Variants in ZFHX4 observed in about 807,000 individuals in gnomAD.
ZFHX4 encodes zinc finger homeobox protein 4.
ZFHX4 carries 56 observed loss-of-function variants against 267.6 expected under a neutral mutation model. The observed-to-expected ratio is 0.21, with a 90% confidence interval of 0.17 to 0.26. ZFHX4 has a LOEUF of 0.26. Ranked by LOEUF, ZFHX4 falls within the 10% of genes least tolerant of loss-of-function variation. The pLI is 1.00. For synonymous variants in ZFHX4, 1,778 were observed against 1,665.6 expected, an observed-to-expected ratio of 1.07 and a Z score of -1.64; for missense variants, 4,332 against 4,420.0, an observed-to-expected ratio of 0.98 and a Z score of 0.56.
intron 1 of ZFHX4, among the ~76,000 whole-genome samples, chr8:76,690,977 A>T (rs1807809879): frequency 6.6e-6 from 1 of 152,098 alleles, no homozygotes; most frequent in Non-Finnish European, 1.5e-5. Context: ...AACTCATTTT[A>T]AAATATGGGC....
chr8:76,808,894 C>T (rs906115845), intron 4 of ZFHX4, among the ~76,000 whole-genome samples: 1 of 151,460 alleles, frequency 6.6e-6, no homozygotes, highest in Non-Finnish European at 1.5e-5. Flanking sequence ...CTGTCTCTGT[C>T]TCTCTCTATC....
chr8:76,799,743 T>G (rs1327603910), intron 4 of ZFHX4, among the ~76,000 whole-genome samples: 2 of 152,148 alleles, frequency 1.3e-5, no homozygotes, highest in African/African-American at 4.8e-5. Context: ...TAATGAAGCA[T>G]TGATTATTTG....
chr8:76,813,516 C>A (rs1476057744), intron 4 of ZFHX4, among the ~76,000 whole-genome samples: 2 of 152,088 alleles, frequency 1.3e-5, no homozygotes, highest in Non-Finnish European at 2.9e-5. Context: ...AGATTAAAAT[C>A]TCTTCTTCCT....
rs1415091682 is a variant in ZFHX4, at chr8:76,863,340, C to G, written c.9626C>G (p.Ala3209Gly). Reference protein sequence around the residue: ...VKKIKEEELEATKPEKHPKKE... With the variant: ...VKKIKEEELEGTKPEKHPKKE... ...AAAATCAAAGAGGAGGAATTAGAGG[C>G]CACCAAACCCGAAAAACACCCCAAA... is the stretch of plus-strand genomic sequence containing the variant. Residue 3209 changes from alanine to glycine, a missense_variant, in exon 11 of 11, where the codon GCC (alanine) becomes GGC (glycine). Ala to Gly is a moderately conservative substitution (Grantham distance 60, BLOSUM62 0). Around this residue, in one of 7 missense-constraint regions of ZFHX4, gnomAD observed 1,648 missense variants for 1,625.0 expected, o/e 1.01. Coordinates refer to ENST00000651372, the MANE Select transcript of ZFHX4 (RefSeq NM_024721.5). 6.2e-7 allele frequency: 1 copy of G among 1,613,700 alleles called. No individual in the cohort carries two copies. Among genetic ancestry groups the G allele is most frequent in the African/African-American group, 1.3e-5 (1 of 74,980 alleles).
intron 3 of ZFHX4, among the ~76,000 whole-genome samples, chr8:76,772,721 C>T (rs1472949161): frequency 3.3e-5 from 5 of 152,110 alleles, no homozygotes; most frequent in South Asian, 2.1e-4. Flanking sequence ...CATTCTGTTT[C>T]GAGTTCAATA....
At position 76,853,973 on chromosome 8, in the gene ZFHX4, A is replaced by T; in HGVS notation, c.7052A>T (p.Asp2351Val). Residue 2351 changes from aspartate (D) to valine (V), a missense_variant, in exon 10 of 11, where the codon GAC becomes GTC. Physicochemically the swap from Asp to Val is radical, Grantham distance 152. Transcript: ENST00000651372. ...DDAQDESQTE[D>V]SMDATDQVVY... ...GCCCAAGATGAAAGCCAAACAGAAG[A>T]CTCCATGGATGCCACTGATCAAGTG... 6.2e-7 allele frequency: 1 copy of T among 1,613,664 alleles called. No homozygotes were observed. The highest frequency in any genetic ancestry group is 8.5e-7 in the Non-Finnish European group (1 of 1,179,826).
At chr8:76,789,817 A>C (rs1389086131) in intron 4 of ZFHX4, among the ~76,000 whole-genome samples, 1 of 152,174 alleles carries the variant, frequency 6.6e-6, no homozygotes, top group Non-Finnish European at 1.5e-5. Flanking sequence ...TGTCATATAA[A>C]TATGTAAATA....
chr8:76,747,311 A>G (rs1809484621), intron 3 of ZFHX4, among the ~76,000 whole-genome samples: 1 of 152,070 alleles, frequency 6.6e-6, no homozygotes, highest in South Asian at 2.1e-4. Flanking sequence ...GTACATGTAC[A>G]GGTTTGTTAT....
chr8:76,745,023 G>T (rs1387737728), intron 3 of ZFHX4, among the ~76,000 whole-genome samples: 1 of 152,084 alleles, frequency 6.6e-6, no homozygotes, highest in African/African-American at 2.4e-5. Context: ...CACAATGCTG[G>T]GCCATGATGA....
chr8:76,735,501 G>C (rs918488547), intron 3 of ZFHX4, among the ~76,000 whole-genome samples: 2 of 152,002 alleles, frequency 1.3e-5, no homozygotes, highest in South Asian at 2.1e-4. Context: ...AAATATTTTT[G>C]CATCCACAAC....
chr8:76,844,138 A>C (rs984146483), intron 6 of ZFHX4, among the ~76,000 whole-genome samples: 4 of 152,152 alleles, frequency 2.6e-5, no homozygotes, highest in African/African-American at 9.6e-5. Context: ...AGTTAATATG[A>C]AAGACAGTAC....
chr8:76,737,039 TC>T (rs1184871470), intron 3 of ZFHX4, among the ~76,000 whole-genome samples: 1 of 152,156 alleles, frequency 6.6e-6, no homozygotes, highest in African/African-American at 2.4e-5. Flanking sequence ...ACAGTTGCTT[TC>T]ATGATCAAAA....
intron 4 of ZFHX4, among the ~76,000 whole-genome samples, chr8:76,802,957 T>C (rs879384311): frequency 6.6e-6 from 1 of 152,150 alleles, no homozygotes; most frequent in Non-Finnish European, 1.5e-5. Context: ...TATCTAATGG[T>C]ACTTATTTAG....
At chr8:76,756,510 A>G (rs1323574285) in intron 3 of ZFHX4, among the ~76,000 whole-genome samples, 4 of 152,204 alleles carry the variant, frequency 2.6e-5, no homozygotes, top group African/African-American at 9.6e-5. Flanking sequence ...CTGTTAATGA[A>G]ATTTCTGATG....
intron 5 of ZFHX4, among the ~76,000 whole-genome samples, chr8:76,840,898 C>T (rs1812217228): frequency 6.6e-6 from 1 of 152,178 alleles, no homozygotes; most frequent in South Asian, 2.1e-4. Context: ...ACCAGCGTGG[C>T]CTGGTGCTGG....
intron 5 of ZFHX4, among the ~76,000 whole-genome samples, chr8:76,838,569 A>C (rs1488072208): frequency 1.3e-5 from 2 of 152,178 alleles, no homozygotes; most frequent in African/African-American, 4.8e-5. Context: ...GAGATCATGG[A>C]GGAGTCTAGG....
intron 6 of ZFHX4, among the ~76,000 whole-genome samples, chr8:76,845,977 G>T (rs986265253): frequency 2.0e-5 from 3 of 151,802 alleles, no homozygotes; most frequent in Non-Finnish European, 4.4e-5. Context: ...CTGATCTAGG[G>T]TAATCAACAG....
At chr8:76,692,246 A>G (rs997953472) in intron 1 of ZFHX4, among the ~76,000 whole-genome samples, 1 of 152,156 alleles carries the variant, frequency 6.6e-6, no homozygotes, top group Non-Finnish European at 1.5e-5. Context: ...ATTAAATACA[A>G]TAATAGAAAT....
intron 1 of ZFHX4, among the ~76,000 whole-genome samples, chr8:76,687,381 C>T (rs1006270812): frequency 6.6e-6 from 1 of 152,182 alleles, no homozygotes; most frequent in Non-Finnish European, 1.5e-5. Flanking sequence ...TTCTCTGCCC[C>T]ATTTGTCATG....
Sources: gnomAD v4.1 joint callset for allele counts (sites outside exome capture counted in the v4.1 genomes callset) on GRCh38, gnomAD v4.1.1 for gene constraint, gnomAD v4.1.1 regional missense constraint, MANE v1.5 for transcripts, NCBI Gene and HGNC (gene_info 2026-07-23, HGNC 2026-07-21) for gene names.